Variants in DOK6 observed in about 807,000 individuals in gnomAD.
DOK6 encodes downstream of tyrosine kinase 6.
Under a neutral mutation model 44.0 loss-of-function variants are expected in DOK6, and 22 were observed. That is an observed-to-expected ratio of 0.50 (90% CI 0.36 to 0.71). The LOEUF (loss-of-function observed/expected upper bound fraction) is 0.71. Ranked by LOEUF, DOK6 falls within the 30% of genes least tolerant of loss-of-function variation. The pLI, the probability that DOK6 is intolerant of heterozygous loss-of-function variation, is 0.00. For missense variants in DOK6, 340 were observed against 416.4 expected (o/e 0.82, Z 1.60); for synonymous variants, 166 against 145.5 (o/e 1.14, Z -1.01).
intron 1 of DOK6, among the ~76,000 whole-genome samples, chr18:69,427,898 C>A (rs948706869): frequency 1.3e-5 from 2 of 151,880 alleles, no homozygotes; most frequent in Admixed American, 1.3e-4. Flanking sequence ...CTACCTCAGC[C>A]TCCTGAGTAG....
At chr18:69,598,172 T>C (rs921672613) in intron 2 of DOK6, among the ~76,000 whole-genome samples, 1 of 151,868 alleles carries the variant, frequency 6.6e-6, no homozygotes, top group Non-Finnish European at 1.5e-5. Flanking sequence ...ATATTAAAGA[T>C]AATAAAATAT....
At chr18:69,561,982 A>G (rs1342268108) in intron 1 of DOK6, among the ~76,000 whole-genome samples, 2 of 152,208 alleles carry the variant, frequency 1.3e-5, no homozygotes, top group Non-Finnish European at 2.9e-5. Flanking sequence ...ATTGTGATCT[A>G]GATTTCAGAA....
At chr18:69,570,863 A>C (rs1983098079) in intron 2 of DOK6, among the ~76,000 whole-genome samples, 1 of 152,148 alleles carries the variant, frequency 6.6e-6, no homozygotes, top group Non-Finnish European at 1.5e-5. Context: ...CAGATTAAGA[A>C]GAAAAAACAC....
At chr18:69,485,881 ATGTG>A (rs3044887) in intron 1 of DOK6, among the ~76,000 whole-genome samples, 31 of 147,118 alleles carry the variant, frequency 2.1e-4, no homozygotes, top group Admixed American at 5.5e-4. Flanking sequence ...ATACGTATAT[ATGTG>A]TGTGTGTGTG....
chr18:69,411,237 G>A (rs547375639), intron 1 of DOK6, among the ~76,000 whole-genome samples: 1 of 152,280 alleles, frequency 6.6e-6, no homozygotes, highest in South Asian at 2.1e-4. Flanking sequence ...TGAGTGTGGA[G>A]TAATGAGAAA....
At chr18:69,427,889 TA>T (rs1308340319) in intron 1 of DOK6, among the ~76,000 whole-genome samples, 2 of 151,884 alleles carry the variant, frequency 1.3e-5, no homozygotes, top group African/African-American at 4.8e-5. Flanking sequence ...GCAATTCTCC[TA>T]CCTCAGCCTC....
At chr18:69,492,236 C>T (rs1599156900) in intron 1 of DOK6, among the ~76,000 whole-genome samples, 1 of 152,032 alleles carries the variant, frequency 6.6e-6, no homozygotes, top group African/African-American at 2.4e-5. Context: ...AAGTGTCACA[C>T]AATTAATTTT....
intron 1 of DOK6, among the ~76,000 whole-genome samples, chr18:69,423,294 C>T (rs1978546625): frequency 1.1e-5 from 1 of 90,470 alleles, no homozygotes; most frequent in African/African-American, 4.4e-5. Flanking sequence ...AGAGTGAGAT[C>T]CTGTCTCAAC....
At chr18:69,576,768 C>T (rs774451630) in intron 2 of DOK6, among the ~76,000 whole-genome samples, 4 of 152,050 alleles carry the variant, frequency 2.6e-5, no homozygotes, top group Admixed American at 6.6e-5. Context: ...ATTGTCATAA[C>T]AGATATTGAA....
chr18:69,457,573 C>G (rs1979664990), intron 1 of DOK6, among the ~76,000 whole-genome samples: 1 of 152,124 alleles, frequency 6.6e-6, no homozygotes, highest in Non-Finnish European at 1.5e-5. Flanking sequence ...GATGTGATGC[C>G]TCAAGTCTGG....
At chr18:69,830,617 A>G (rs1478966067) in intron 7 of DOK6, among the ~76,000 whole-genome samples, 2 of 152,208 alleles carry the variant, frequency 1.3e-5, no homozygotes, top group Non-Finnish European at 2.9e-5. Context: ...AGTCTGTGGC[A>G]TTTTATTATG....
chr18:69,801,234 T>C (rs1980897811), intron 7 of DOK6, among the ~76,000 whole-genome samples: 1 of 152,184 alleles, frequency 6.6e-6, no homozygotes, highest in Admixed American at 6.6e-5. Context: ...TTAAACAACA[T>C]CATTTATAAT....
At chr18:69,586,785 G>T (rs1221771990) in intron 2 of DOK6, among the ~76,000 whole-genome samples, 1 of 152,170 alleles carries the variant, frequency 6.6e-6, no homozygotes, top group Non-Finnish European at 1.5e-5. Flanking sequence ...CCCCGATACT[G>T]ACAGGGCTCG....
intron 1 of DOK6, among the ~76,000 whole-genome samples, chr18:69,404,225 T>A (rs1916154978): frequency 6.6e-6 from 1 of 152,210 alleles, no homozygotes; most frequent in Non-Finnish European, 1.5e-5. Context: ...AAGGCATTTC[T>A]TGTCCTCTAG....
intron 3 of DOK6, among the ~76,000 whole-genome samples, chr18:69,611,243 C>A (rs924842152): frequency 1.3e-5 from 2 of 152,084 alleles, no homozygotes; most frequent in African/African-American, 4.8e-5. Context: ...ATTAAAACTG[C>A]AGTGAGGTGC....
At chr18:69,428,395 A>G (rs898803887) in intron 1 of DOK6, among the ~76,000 whole-genome samples, 3 of 152,078 alleles carry the variant, frequency 2.0e-5, no homozygotes, top group Non-Finnish European at 4.4e-5. Context: ...GGTGCCAGAT[A>G]TGATTCTAAC....
chr18:69,542,989 C>G (rs563445317), intron 1 of DOK6, among the ~76,000 whole-genome samples: 1 of 151,396 alleles, frequency 6.6e-6, no homozygotes, highest in African/African-American at 2.4e-5. Flanking sequence ...GAAAGATTGT[C>G]CAAAGGGGTA....
chr18:69,654,423 G>A (rs551487858), intron 3 of DOK6, among the ~76,000 whole-genome samples: 268 of 152,274 alleles, frequency 1.8e-3, no homozygotes, highest in Non-Finnish European at 3.4e-3. Flanking sequence ...TCTGGGGCAG[G>A]AAATTTGACA....
chr18:69,796,123 C>T (rs189309934), intron 7 of DOK6, among the ~76,000 whole-genome samples: 5 of 152,268 alleles, frequency 3.3e-5, no homozygotes, highest in Admixed American at 6.5e-5. Context: ...TAGGCAGAGA[C>T]GGATCTCAGC....
Sources: gnomAD v4.1 joint callset for allele counts (sites outside exome capture counted in the v4.1 genomes callset) on GRCh38, gnomAD v4.1.1 for gene constraint, MANE v1.5 for transcripts, NCBI Gene and HGNC (gene_info 2026-07-23, HGNC 2026-07-21) for gene names.